Variants in MKLN1 observed in about 807,000 individuals in gnomAD.
MKLN1 encodes muskelin.
In MKLN1, 18 loss-of-function variants were observed where a neutral mutation model predicts 99.0. That is an observed-to-expected ratio of 0.18 (90% CI 0.13 to 0.27). MKLN1 has a LOEUF of 0.27. MKLN1 is among the 10% of genes least tolerant of loss of function. The pLI, the probability that MKLN1 is intolerant of heterozygous loss-of-function variation, is 1.00. For synonymous variants in MKLN1, 288 were observed against 293.2 expected (o/e 0.98, Z 0.18); for missense variants, 621 against 875.9 (o/e 0.71, Z 3.67).
At chr7:131,207,882 GA>G (rs1253232750) in intron 3 of MKLN1, among the ~76,000 whole-genome samples, 1 of 152,164 alleles carries the variant, frequency 6.6e-6, no homozygotes, top group African/African-American at 2.4e-5. Flanking sequence ...TTAGCCTTTG[GA>G]AAGAACATAT....
chr7:131,262,653 C>T (rs1563271219), intron 3 of MKLN1, among the ~76,000 whole-genome samples: 2 of 151,740 alleles, frequency 1.3e-5, no homozygotes, highest in Non-Finnish European at 2.9e-5. Context: ...TGGGTTCAAG[C>T]GATTCTCCTC....
chr7:131,323,777 CTCAAGGATGAGGACAATTG>C (rs778254798), upstream of MKLN1: 35 of 152,118 alleles, frequency 2.3e-4, no homozygotes, highest in Non-Finnish European at 4.7e-4. Context: ...CAGCAGAGTC[CTCAAGGATGAGGACAATTG>C]GATTGTCTGT....
chr7:131,272,889 A>T (rs1807448), intron 3 of MKLN1, among the ~76,000 whole-genome samples: 11,978 of 152,240 alleles, frequency 0.079, 626 homozygotes, highest in East Asian at 0.19. Context: ...TCTGGGAGAT[A>T]CAATTCAAGT....
intron 1 of MKLN1, among the ~76,000 whole-genome samples, chr7:131,117,245 C>G (rs1292167543): frequency 6.6e-6 from 1 of 152,074 alleles, no homozygotes; most frequent in Non-Finnish European, 1.5e-5. Flanking sequence ...TCCTGGCCAA[C>G]ATGGTGAAAC....
intron 1 of MKLN1, among the ~76,000 whole-genome samples, chr7:131,329,277 A>G (rs1798995219): frequency 6.6e-6 from 1 of 152,226 alleles, no homozygotes. Context: ...CACCAGGTCA[A>G]GGGTTGGCAT....
chr7:131,265,441 A>G (rs945372021), intron 3 of MKLN1, among the ~76,000 whole-genome samples: 7 of 149,680 alleles, frequency 4.7e-5, no homozygotes, highest in African/African-American at 1.7e-4. Context: ...CTCCCCACCC[A>G]CTCTTCTTTC....
At chr7:131,466,904 T>C (rs200125888) in intron 15 of MKLN1, among the ~76,000 whole-genome samples, 75 of 150,788 alleles carry the variant, frequency 5.0e-4, no homozygotes, top group African/African-American at 1.0e-3. Flanking sequence ...TATATACATA[T>C]ACACACACAC....
intron 2 of MKLN1, among the ~76,000 whole-genome samples, chr7:131,382,630 C>G (rs1435288775): frequency 1.3e-5 from 2 of 152,148 alleles, no homozygotes; most frequent in Non-Finnish European, 2.9e-5. Flanking sequence ...GTTTCCCCTT[C>G]CTGTTCTCCC....
chr7:131,281,529 G>A (rs1178928272), intron 3 of MKLN1, among the ~76,000 whole-genome samples: 1 of 151,950 alleles, frequency 6.6e-6, no homozygotes, highest in Non-Finnish European at 1.5e-5. Context: ...ATTTCCATGT[G>A]AATAGCATGA....
chr7:131,178,152 T>G (rs1194207645), intron 2 of MKLN1, among the ~76,000 whole-genome samples: 2 of 152,172 alleles, frequency 1.3e-5, no homozygotes, highest in African/African-American at 2.4e-5. Context: ...GTTTCGCTTT[T>G]GTCACCCAGG....
chr7:131,298,272 GA>G (rs35184610), intron 3 of MKLN1, among the ~76,000 whole-genome samples: 35 of 143,162 alleles, frequency 2.4e-4, no homozygotes, highest in Admixed American at 2.8e-4. Flanking sequence ...CTCGGTCTCA[GA>G]AAAAAAAAAA....
In MKLN1 at chr7:131,491,036, T is replaced by TA. The variant is rs1205212710; in HGVS notation, c.*3309dup. 6.6e-6 allele frequency: 1 copy of TA among 152,170 alleles called. No individual in the cohort carries two copies. Among genetic ancestry groups the TA allele is most frequent in the Non-Finnish European group, 1.5e-5 (1 of 68,022 alleles). 9.4% of individuals were successfully genotyped at this position (152,170 alleles called of 1,614,324 possible). A position where few individuals can be genotyped will look rare whatever the true frequency, so the allele number is the denominator to read the frequency against. The stretch of plus-strand genomic sequence containing the variant: ...TTTCATGGTAATTACATGAAGAAGT[T>TA]ACCTGCAATTATTCTTAACACTACA... On this transcript the variant is annotated 3_prime_UTR_variant, in exon 18 of 18. Transcript: ENST00000352689.
chr7:131,192,248 A>G (rs1393794462), intron 2 of MKLN1, among the ~76,000 whole-genome samples: 2,254 of 92,202 alleles, frequency 0.024, 13 homozygotes, highest in Admixed American at 0.031. Flanking sequence ...AATATATAAA[A>G]TATAATATAT....
chr7:131,332,916 A>G (rs1382993664), intron 1 of MKLN1, among the ~76,000 whole-genome samples: 1 of 151,154 alleles, frequency 6.6e-6, no homozygotes, highest in Non-Finnish European at 1.5e-5. Flanking sequence ...GGCACATGCC[A>G]TCACGCCTGG....
chr7:131,482,221 A>G (rs1810689229), intron 17 of MKLN1, among the ~76,000 whole-genome samples: 1 of 152,072 alleles, frequency 6.6e-6, no homozygotes, highest in Non-Finnish European at 1.5e-5. Flanking sequence ...TTCAGACAGG[A>G]TCTTGCTCTG....
chr7:131,327,849 T>C (rs781156480), upstream of MKLN1: 4 of 1,599,572 alleles, frequency 2.5e-6, no homozygotes, highest in South Asian at 3.3e-5. Context: ...CCCCCTCCCC[T>C]CCTCCCGTTC....
At chr7:131,148,813 TA>T (rs1563231597) in intron 2 of MKLN1, among the ~76,000 whole-genome samples, 3 of 152,144 alleles carry the variant, frequency 2.0e-5, no homozygotes, top group Admixed American at 1.3e-4. Context: ...TTCAATCTAA[TA>T]TTATTGTGCC....
chr7:131,269,893 A>ACTTTT (rs1554544817), intron 3 of MKLN1, among the ~76,000 whole-genome samples: 3 of 151,956 alleles, frequency 2.0e-5, no homozygotes, highest in African/African-American at 7.2e-5. Context: ...TATGGAGGTA[A>ACTTTT]CTTTTCTTTT....
chr7:131,414,156 T>C (rs1036534534), intron 7 of MKLN1, among the ~76,000 whole-genome samples: 2 of 152,200 alleles, frequency 1.3e-5, no homozygotes, highest in African/African-American at 4.8e-5. Context: ...AAAATAATTG[T>C]ATACATTATA....
Sources: allele counts gnomAD v4.1 joint callset (sites outside exome capture counted in the v4.1 genomes callset), GRCh38; gene constraint gnomAD v4.1.1; transcripts MANE v1.5; gene names NCBI Gene and HGNC (gene_info 2026-07-23, HGNC 2026-07-21).